The following SV2C variants were observed in gnomAD, a reference collection of about 807,000 sequenced individuals.
SV2C encodes solute carrier family 22 member B3.
In SV2C, 49 loss-of-function variants were observed where a neutral mutation model predicts 79.7. The observed-to-expected ratio is 0.61, with a 90% confidence interval of 0.49 to 0.78. The LOEUF (loss-of-function observed/expected upper bound fraction) is 0.78. SV2C is among the 30% of genes least tolerant of loss of function. SV2C has a pLI of 0.00. For synonymous variants in SV2C, 334 were observed against 333.2 expected (o/e 1.00, Z -0.03); for missense variants, 833 against 912.9 (o/e 0.91, Z 1.13).
the SV2C span, among the ~76,000 whole-genome samples, chr5:75,886,883 A>T: frequency 6.6e-6 from 1 of 152,104 alleles, no homozygotes; most frequent in Non-Finnish European, 1.5e-5. Flanking sequence ...TAACCAGGCA[A>T]GTTTTCCTGG....
chr5:76,103,213 A>G (rs567121383), intron 1 of SV2C, among the ~76,000 whole-genome samples: 9 of 152,298 alleles, frequency 5.9e-5, no homozygotes, highest in African/African-American at 1.9e-4. Flanking sequence ...TTTAGTCCTC[A>G]TACCTTTTTG....
the SV2C span, among the ~76,000 whole-genome samples, chr5:75,867,067 G>A: frequency 6.6e-6 from 1 of 152,166 alleles, no homozygotes; most frequent in Non-Finnish European, 1.5e-5. Flanking sequence ...TGGTAGCAAG[G>A]TAGATATAGG....
the SV2C span, among the ~76,000 whole-genome samples, chr5:76,037,733 A>G: frequency 1.5e-4 from 23 of 152,334 alleles, no homozygotes; most frequent in African/African-American, 5.3e-4. Context: ...GGTGGAGCCT[A>G]CAGAGGCAGG....
the SV2C span, among the ~76,000 whole-genome samples, chr5:75,991,399 T>C: frequency 6.6e-6 from 1 of 151,438 alleles, no homozygotes; most frequent in African/African-American, 2.4e-5. Flanking sequence ...CTTTTGTTTT[T>C]GTTTATGGTA....
At chr5:76,023,618 C>T in the SV2C span, among the ~76,000 whole-genome samples, 1 of 148,220 alleles carries the variant, frequency 6.7e-6, no homozygotes, top group Admixed American at 6.7e-5. Context: ...TACTTTCATA[C>T]TTTTCCTCCA....
At chr5:75,978,450 T>G in the SV2C span, among the ~76,000 whole-genome samples, 2 of 152,310 alleles carry the variant, frequency 1.3e-5, no homozygotes, top group South Asian at 2.1e-4. Context: ...ACTCTAAAAT[T>G]TATTATATTC....
intron 2 of SV2C, among the ~76,000 whole-genome samples, chr5:76,178,408 T>C (rs1743610673): frequency 6.6e-6 from 1 of 152,198 alleles, no homozygotes; most frequent in Non-Finnish European, 1.5e-5. Flanking sequence ...GTGTAGTATT[T>C]CCAAAATATT....
chr5:76,260,984 T>C (rs753568531), intron 4 of SV2C, among the ~76,000 whole-genome samples: 8 of 152,166 alleles, frequency 5.3e-5, no homozygotes, highest in Admixed American at 3.3e-4. Context: ...GTGAAGAAAG[T>C]CGATGGTAGC....
chr5:75,945,502 A>G, the SV2C span, among the ~76,000 whole-genome samples: 1 of 151,716 alleles, frequency 6.6e-6, no homozygotes, highest in African/African-American at 2.4e-5. Flanking sequence ...TTTTTTTGGT[A>G]GAGACAGGGT....
the SV2C span, among the ~76,000 whole-genome samples, chr5:75,998,668 A>G: frequency 1.3e-5 from 2 of 150,704 alleles, no homozygotes; most frequent in South Asian, 4.2e-4. Flanking sequence ...GTGAATGTGT[A>G]TGTGTGTGGG....
chr5:76,301,834 A>C (rs1417288550), intron 12 of SV2C, among the ~76,000 whole-genome samples: 1 of 142,148 alleles, frequency 7.0e-6, no homozygotes, highest in African/African-American at 2.6e-5. Context: ...ACTTGAACCC[A>C]GGAGGCAGAG....
chr5:76,047,153 T>C, the SV2C span, among the ~76,000 whole-genome samples: 1 of 152,182 alleles, frequency 6.6e-6, no homozygotes, highest in South Asian at 2.1e-4. Context: ...AGCGTACAGC[T>C]TGATGAATGT....
At chr5:76,263,876 C>T in intron 4 of SV2C, among the ~76,000 whole-genome samples, 1 of 152,124 alleles carries the variant, frequency 6.6e-6, no homozygotes, top group Non-Finnish European at 1.5e-5. Context: ...TTCGTTTGAA[C>T]CTTGGAGAGT....
At chr5:76,156,023 T>C (rs1346136798) in intron 2 of SV2C, among the ~76,000 whole-genome samples, 2 of 147,922 alleles carry the variant, frequency 1.4e-5, no homozygotes, top group Non-Finnish European at 3.0e-5. Flanking sequence ...TCATTGGAGA[T>C]ATAGATTAAG....
At chr5:76,096,950 A>G (rs1376115217) in intron 1 of SV2C, among the ~76,000 whole-genome samples, 1 of 152,166 alleles carries the variant, frequency 6.6e-6, no homozygotes, top group Admixed American at 6.5e-5. Flanking sequence ...CCATAATTGC[A>G]TGAGCCGATT....
intron 4 of SV2C, among the ~76,000 whole-genome samples, chr5:76,284,737 A>C (rs1747295725): frequency 6.6e-6 from 1 of 152,170 alleles, no homozygotes; most frequent in Non-Finnish European, 1.5e-5. Context: ...CTTTATTCAA[A>C]CTTAGCTACA....
intron 4 of SV2C, among the ~76,000 whole-genome samples, chr5:76,217,672 T>G (rs1276843616): frequency 6.6e-6 from 1 of 151,506 alleles, no homozygotes; most frequent in Non-Finnish European, 1.5e-5. Context: ...AGCCCAAATG[T>G]GAGCTACATG....
the SV2C span, among the ~76,000 whole-genome samples, chr5:75,897,913 G>T: frequency 2.0e-5 from 3 of 151,916 alleles, no homozygotes; most frequent in South Asian, 2.1e-4. Context: ...TTTGTACATT[G>T]ATTTTGTATC....
At chr5:75,896,596 A>G in the SV2C span, among the ~76,000 whole-genome samples, 4 of 151,676 alleles carry the variant, frequency 2.6e-5, no homozygotes, top group Non-Finnish European at 5.9e-5. Flanking sequence ...GGATGGCTGG[A>G]TCAAATGGTA....
Sources: gnomAD v4.1 joint callset for allele counts (sites outside exome capture counted in the v4.1 genomes callset) on GRCh38, gnomAD v4.1.1 for gene constraint, MANE v1.5 for transcripts, NCBI Gene and HGNC (gene_info 2026-07-23, HGNC 2026-07-21) for gene names.